The following METTL15 variants were observed in gnomAD, a reference collection of about 807,000 sequenced individuals.
METTL15 encodes the protein 12S rRNA N(4)-cytidine methyltransferase METTL15.
A neutral mutation model predicts 38.3 loss-of-function variants in METTL15; 34 were observed. The observed-to-expected ratio is 0.89, with a 90% CI of 0.68 to 1.18. The LOEUF (loss-of-function observed/expected upper bound fraction) is 1.18. METTL15 is among the 50% of genes most tolerant of loss of function. The pLI is 0.00. For missense variants in METTL15, 438 were observed against 498.4 expected (o/e 0.88, Z 1.15); for synonymous variants, 162 against 170.9 (o/e 0.95, Z 0.41).
intron 5 of METTL15, among the ~76,000 whole-genome samples, chr11:28,296,047 T>G (rs1856721497): frequency 6.6e-6 from 1 of 152,148 alleles, no homozygotes; most frequent in Non-Finnish European, 1.5e-5. Flanking sequence ...TTTATTCTAT[T>G]TGACCAGAGG....
At chr11:28,239,916 A>G (rs1854215617) in intron 4 of METTL15, among the ~76,000 whole-genome samples, 1 of 152,150 alleles carries the variant, frequency 6.6e-6, no homozygotes, top group Non-Finnish European at 1.5e-5. Flanking sequence ...TTACTAGTTT[A>G]TTGTCTGTTT....
intron 6 of METTL15, among the ~76,000 whole-genome samples, chr11:28,491,382 AG>A (rs1251773902): frequency 1.3e-5 from 2 of 152,248 alleles, no homozygotes; most frequent in East Asian, 3.9e-4. Context: ...CACAAGAAAT[AG>A]AGAAAAAAAT....
chr11:28,474,547 C>T (rs966240587), intron 6 of METTL15, among the ~76,000 whole-genome samples: 24 of 152,156 alleles, frequency 1.6e-4, no homozygotes, highest in Non-Finnish European at 3.1e-4. Context: ...AGAATATTCA[C>T]AGACAGCCTG....
At position 28,331,486 on chromosome 11, in the gene METTL15, A is replaced by G. The variant is rs1849813977; in HGVS notation, c.*645A>G. On this transcript the variant is annotated 3_prime_UTR_variant, in exon 7 of 7. Transcript: ENST00000407364. ...GTAAAAATGTAAAATCCTTACAGAG[A>G]ATTGTTTCACAAAACTTATATTTCA... 6.6e-6 allele frequency: 1 copy of G among 152,234 alleles called. No homozygotes were observed. 9.4% of individuals were successfully genotyped at this position (152,234 alleles called of 1,614,324 possible). A position where few individuals can be genotyped will look rare whatever the true frequency, so the allele number is the denominator to read the frequency against.
chr11:28,301,436 T>C (rs1007680547), intron 6 of METTL15, among the ~76,000 whole-genome samples: 2 of 152,136 alleles, frequency 1.3e-5, no homozygotes, highest in Non-Finnish European at 2.9e-5. Flanking sequence ...CTGGCACTTA[T>C]TATGCTGTAT....
chr11:28,179,904 T>C (rs1851221521), intron 3 of METTL15, among the ~76,000 whole-genome samples: 1 of 151,858 alleles, frequency 6.6e-6, no homozygotes. Context: ...ACATATGCAA[T>C]GCGACTTAGC....
At chr11:28,264,933 A>G (rs189693134) in intron 4 of METTL15, among the ~76,000 whole-genome samples, 2 of 151,488 alleles carry the variant, frequency 1.3e-5, no homozygotes, top group Admixed American at 1.3e-4. Flanking sequence ...GGGAGGAAAT[A>G]TTTTTTTTAT....
chr11:28,407,887 C>T (rs987697140), intron 5 of METTL15, among the ~76,000 whole-genome samples: 14 of 151,988 alleles, frequency 9.2e-5, no homozygotes, highest in African/African-American at 3.4e-4. Flanking sequence ...TTTACAATAG[C>T]AAAGACATGA....
chr11:28,137,763 T>C (rs941234215), intron 3 of METTL15, among the ~76,000 whole-genome samples: 1 of 152,224 alleles, frequency 6.6e-6, no homozygotes, highest in East Asian at 1.9e-4. Context: ...TAAAGTCACT[T>C]GAACTAACAG....
intron 6 of METTL15, among the ~76,000 whole-genome samples, chr11:28,505,519 C>T (rs111292304): frequency 5.4e-4 from 82 of 152,336 alleles, no homozygotes; most frequent in Middle Eastern, 3.4e-3. Context: ...ATTTCCCAAT[C>T]CTCACAGGAT....
At chr11:28,473,668 G>A (rs1253323371) in intron 6 of METTL15, among the ~76,000 whole-genome samples, 1 of 152,124 alleles carries the variant, frequency 6.6e-6, no homozygotes, top group Non-Finnish European at 1.5e-5. Context: ...GACTCAGGAT[G>A]TCCCAGGCAT....
At position 28,238,556 on chromosome 11, in the gene METTL15, TC is replaced by T. The variant is rs1854134292; in HGVS notation, c.407+27361del. 2.0e-5 allele frequency among the ~76,000 whole-genome samples: 3 copies of T among 152,314 alleles called. No individual in the cohort carries two copies. In the South Asian group the frequency reaches 6.2e-4, roughly 32 times the overall value. The stretch of plus-strand genomic sequence containing the variant: ...AGGGAACTCCCTGACCCCTTGCACT[TC>T]CCGAGTGAGGCAGTGCCTCGCCCTG... On this transcript the variant is annotated intron_variant, in intron 4 of 6. Transcript: ENST00000407364.
chr11:28,495,785 A>T (rs988469502), intron 6 of METTL15, among the ~76,000 whole-genome samples: 2 of 152,174 alleles, frequency 1.3e-5, no homozygotes, highest in Non-Finnish European at 2.9e-5. Context: ...TTGATAGAAA[A>T]AAAAAAAAAT....
intron 4 of METTL15, among the ~76,000 whole-genome samples, chr11:28,356,043 C>A (rs886380415): frequency 6.6e-6 from 1 of 152,136 alleles, no homozygotes; most frequent in African/African-American, 2.4e-5. Flanking sequence ...TTGTTCCTAA[C>A]CACTAGGCTA....
At chr11:28,451,929 C>T (rs1045488577) in intron 6 of METTL15, among the ~76,000 whole-genome samples, 2 of 152,204 alleles carry the variant, frequency 1.3e-5, no homozygotes, top group Non-Finnish European at 2.9e-5. Flanking sequence ...CTCCCATCTG[C>T]CCCCATAATG....
intron 4 of METTL15, among the ~76,000 whole-genome samples, chr11:28,238,338 C>A (rs936677007): frequency 6.6e-6 from 1 of 152,206 alleles, no homozygotes; most frequent in African/African-American, 2.4e-5. Flanking sequence ...GCCTGGCTGC[C>A]GCCTTGCAGT....
chr11:28,144,822 TAGC>T (rs540293476), intron 3 of METTL15: 3 of 153,280 alleles, frequency 2.0e-5, no homozygotes, highest in Non-Finnish European at 4.4e-5. Flanking sequence ...TTTATTCAGA[TAGC>T]AGTCTGATCA....
intron 4 of METTL15, among the ~76,000 whole-genome samples, chr11:28,225,026 C>A (rs1378002802): frequency 6.6e-6 from 1 of 151,588 alleles, no homozygotes; most frequent in African/African-American, 2.4e-5. Context: ...AGTATTTAAA[C>A]ACTTTTTTAA....
At chr11:28,336,959 A>G (rs1226565801), downstream of METTL15, among the ~76,000 whole-genome samples, 4 of 152,128 alleles carry the variant, frequency 2.6e-5, no homozygotes, top group African/African-American at 7.2e-5. Context: ...TTACCCCTGA[A>G]CACCTTCCAG....
Sources: gnomAD v4.1 joint callset for allele counts (sites outside exome capture counted in the v4.1 genomes callset) on GRCh38, gnomAD v4.1.1 for gene constraint, MANE v1.5 for transcripts, NCBI Gene and HGNC (gene_info 2026-07-23, HGNC 2026-07-21) for gene names.